Variants in XKR9 observed in about 807,000 individuals in gnomAD.
The protein encoded by XKR9 is XK-related protein 9.
In XKR9, 32 loss-of-function variants were observed where a neutral mutation model predicts 32.0. The observed-to-expected ratio is 1.00, with a 90% CI of 0.76 to 1.34. XKR9 has a LOEUF of 1.34. XKR9 is among the 40% of genes most tolerant of loss of function. XKR9 has a pLI of 0.00. For missense variants in XKR9, 546 were observed against 429.7 expected, an observed-to-expected ratio of 1.27 and a Z score of -2.39; for synonymous variants, 168 against 143.4, an observed-to-expected ratio of 1.17 and a Z score of -1.22.
chr8:70,779,460 T>C (rs1430374277), intron 2 of XKR9, among the ~76,000 whole-genome samples: 1 of 152,216 alleles, frequency 6.6e-6, no homozygotes, highest in Non-Finnish European at 1.5e-5. Flanking sequence ...AAGATGATGC[T>C]GGCCTCATAA....
At chr8:70,811,028 A>G in the XKR9 span, among the ~76,000 whole-genome samples, 1 of 152,184 alleles carries the variant, frequency 6.6e-6, no homozygotes, top group East Asian at 1.9e-4. Context: ...AAAATTGACC[A>G]CATACTTGGA....
At chr8:70,889,717 C>T in the XKR9 span, among the ~76,000 whole-genome samples, 2 of 151,802 alleles carry the variant, frequency 1.3e-5, no homozygotes, top group African/African-American at 4.8e-5. Flanking sequence ...TAGTGGCCTC[C>T]AGCTGCATAC....
chr8:70,872,884 TC>T, the XKR9 span, among the ~76,000 whole-genome samples: 1 of 152,174 alleles, frequency 6.6e-6, no homozygotes, highest in Non-Finnish European at 1.5e-5. Flanking sequence ...GGTCTCAAAC[TC>T]CTGACCTCAG....
chr8:70,714,360 TAA>T (rs1164596018), intron 4 of XKR9, among the ~76,000 whole-genome samples: 1 of 152,012 alleles, frequency 6.6e-6, no homozygotes. Context: ...ATAAGAAAGC[TAA>T]CACCTACAAA....
chr8:70,896,374 A>G, the XKR9 span, among the ~76,000 whole-genome samples: 2 of 152,086 alleles, frequency 1.3e-5, no homozygotes, highest in Non-Finnish European at 2.9e-5. Context: ...TTTAATATAT[A>G]CAGTAATATT....
the XKR9 span, among the ~76,000 whole-genome samples, chr8:70,875,165 G>C: frequency 4.7e-3 from 723 of 152,242 alleles, 19 homozygotes; most frequent in Admixed American, 0.038. Flanking sequence ...ACATTTGACT[G>C]TCTCTCATCC....
chr8:70,734,611 G>T lies in XKR9; in HGVS notation c.*187G>T, dbSNP rs985673457. ...TTTCTCATTTGGTTTTGAAGATCTT[G>T]AGTACTCAGATATCTTTCTACTGCC... On this transcript the variant is annotated 3_prime_UTR_variant, in exon 5 of 5. Transcript: ENST00000408926. 1.4e-6 allele frequency: 1 copy of T among 699,100 alleles called. No individual in the cohort carries two copies. Among genetic ancestry groups the T allele is most frequent in the African/African-American group, 1.9e-5 (1 of 52,948 alleles). 43.3% of individuals were successfully genotyped at this position (699,100 alleles called of 1,614,324 possible). A position where few individuals can be genotyped will look rare whatever the true frequency, so the allele number is the denominator to read the frequency against.
the XKR9 span, among the ~76,000 whole-genome samples, chr8:71,026,481 T>G: frequency 3.9e-5 from 6 of 152,244 alleles, no homozygotes; most frequent in African/African-American, 1.4e-4. Context: ...AAGTTATTAG[T>G]GTGACAAATG....
chr8:71,018,759 G>T, the XKR9 span, among the ~76,000 whole-genome samples: 1 of 152,140 alleles, frequency 6.6e-6, no homozygotes, highest in Non-Finnish European at 1.5e-5. Context: ...TAGGGAAAAA[G>T]ATGACTTTCT....
the XKR9 span, among the ~76,000 whole-genome samples, chr8:71,022,410 T>G: frequency 1.3e-5 from 2 of 152,168 alleles, no homozygotes; most frequent in Non-Finnish European, 2.9e-5. Context: ...TACTCTTGAT[T>G]GGCAGGTTTT....
chr8:70,885,643 C>A, the XKR9 span, among the ~76,000 whole-genome samples: 1 of 151,944 alleles, frequency 6.6e-6, no homozygotes, highest in Non-Finnish European at 1.5e-5. Context: ...GTCATCCAGG[C>A]TGGAGTGCAG....
the XKR9 span, among the ~76,000 whole-genome samples, chr8:70,933,445 T>A: frequency 1.3e-5 from 2 of 151,982 alleles, no homozygotes; most frequent in Non-Finnish European, 2.9e-5. Flanking sequence ...AGTTTTTTTT[T>A]TTTTGTCTTT....
At chr8:70,670,702 C>A (rs1818685891) in intron 1 of XKR9, 1 of 152,098 alleles carries the variant, frequency 6.6e-6, no homozygotes, top group Admixed American at 6.5e-5. Flanking sequence ...CACAGTTGTA[C>A]TTTTAATGGA....
chr8:70,795,734 T>C, the XKR9 span, among the ~76,000 whole-genome samples: 3 of 152,204 alleles, frequency 2.0e-5, no homozygotes, highest in East Asian at 3.8e-4. Context: ...TAATGATCAC[T>C]GATGTTGAGT....
At chr8:70,680,577 C>A (rs1352585627) in intron 2 of XKR9, among the ~76,000 whole-genome samples, 1 of 151,980 alleles carries the variant, frequency 6.6e-6, no homozygotes, top group Non-Finnish European at 1.5e-5. Context: ...GTGGGTAGGT[C>A]ATATTTTTAA....
the XKR9 span, among the ~76,000 whole-genome samples, chr8:70,903,261 G>A: frequency 2.6e-5 from 4 of 151,998 alleles, no homozygotes; most frequent in Non-Finnish European, 4.4e-5. Context: ...CTGTGAATCC[G>A]TGTGATCCTG....
chr8:70,768,059 G>C (rs190522042), intron 2 of XKR9, among the ~76,000 whole-genome samples: 2 of 152,074 alleles, frequency 1.3e-5, no homozygotes, highest in African/African-American at 4.8e-5. Context: ...TGTGAGCATT[G>C]TGCTATAAAT....
the XKR9 span, among the ~76,000 whole-genome samples, chr8:70,984,717 G>A: frequency 1.3e-5 from 2 of 152,148 alleles, no homozygotes; most frequent in East Asian, 1.9e-4. Flanking sequence ...AGCAAGTAGG[G>A]CCATTCTATT....
At chr8:70,688,128 A>G (rs529233217) in intron 3 of XKR9, among the ~76,000 whole-genome samples, 2 of 152,362 alleles carry the variant, frequency 1.3e-5, no homozygotes, top group Admixed American at 6.5e-5. Flanking sequence ...ACCATGGCAC[A>G]TGATCTAGAA....
Sources: allele counts gnomAD v4.1 joint callset (sites outside exome capture counted in the v4.1 genomes callset), GRCh38; gene constraint gnomAD v4.1.1; transcripts MANE v1.5; gene names NCBI Gene and HGNC (gene_info 2026-07-23, HGNC 2026-07-21).